PHF20: variants seen among roughly 807,000 people sequenced by gnomAD.
PHF20 encodes glioma-expressed antigen 2.
A neutral mutation model predicts 113.5 loss-of-function variants in PHF20; 23 were observed. The ratio of observed to expected loss-of-function variants is 0.20; its 90% CI spans 0.15 to 0.29. The LOEUF is 0.29. Ranked by LOEUF, PHF20 falls within the 10% of genes least tolerant of loss-of-function variation. The pLI, the probability that PHF20 is intolerant of heterozygous loss-of-function variation, is 1.00. For synonymous variants in PHF20, 434 were observed against 457.3 expected (o/e 0.95, Z 0.65); for missense variants, 943 against 1,219.6 (o/e 0.77, Z 3.38).
Position 35,855,339 on chromosome 20 carries a change from T to G in PHF20, c.341-2963T>G, listed in dbSNP as rs767919654. On this transcript the variant is annotated intron_variant, in intron 4 of 17. Transcript: ENST00000374012. Reference sequence around the variant, plus strand: ...TGAGCTGCCTGTGTAGATAATTGTTTATGCTCTTATCCTTTTATGTTCTTA... The same window carrying G: ...TGAGCTGCCTGTGTAGATAATTGTTGATGCTCTTATCCTTTTATGTTCTTA... The G allele has an allele frequency of 6.8e-6, 6 of 880,326 alleles. No homozygotes were observed. In the East Asian group the frequency reaches 3.3e-4, roughly 49 times the overall value. The allele number at this position is 880,326 out of a possible 1,614,324, so 54.5% of individuals were successfully genotyped here. A position where few individuals can be genotyped will look rare whatever the true frequency, so the allele number is the denominator to read the frequency against.
chr20:35,838,167 C>T (rs1259755131), intron 2 of PHF20, among the ~76,000 whole-genome samples: 1 of 152,128 alleles, frequency 6.6e-6, no homozygotes, highest in Non-Finnish European at 1.5e-5. Flanking sequence ...TGACTTCCGA[C>T]CAGTGCATAT....
At chr20:35,873,469 T>G (rs1312382085) in intron 9 of PHF20, among the ~76,000 whole-genome samples, 3 of 142,240 alleles carry the variant, frequency 2.1e-5, no homozygotes, top group East Asian at 4.2e-4. Flanking sequence ...TTTTTTTGTT[T>G]TTTTTTTTTT....
chr20:35,776,181 T>G (rs1283034841), intron 1 of PHF20, among the ~76,000 whole-genome samples: 1 of 152,238 alleles, frequency 6.6e-6, no homozygotes, highest in Non-Finnish European at 1.5e-5. Flanking sequence ...ATCATTCTAA[T>G]AAATACTGCA....
At chr20:35,890,746 G>A (rs950618463) in intron 9 of PHF20, among the ~76,000 whole-genome samples, 29 of 152,088 alleles carry the variant, frequency 1.9e-4, no homozygotes, top group African/African-American at 7.0e-4. Context: ...AGCCAGGCAT[G>A]GTGGCACACA....
At chr20:35,803,916 A>C (rs866141636) in intron 2 of PHF20, among the ~76,000 whole-genome samples, 7 of 151,652 alleles carry the variant, frequency 4.6e-5, no homozygotes, top group Non-Finnish European at 2.9e-5. Flanking sequence ...GTGTAATGGC[A>C]CAATCATAGT....
At chr20:35,803,786 G>T (rs2041830139) in intron 2 of PHF20, among the ~76,000 whole-genome samples, 1 of 149,386 alleles carries the variant, frequency 6.7e-6, no homozygotes, top group Non-Finnish European at 1.5e-5. Flanking sequence ...CATACAACTT[G>T]TTTTTTTTCT....
At chr20:35,944,513 T>C (rs535603090) in intron 17 of PHF20, among the ~76,000 whole-genome samples, 47 of 152,330 alleles carry the variant, frequency 3.1e-4, no homozygotes, top group African/African-American at 1.1e-3. Context: ...CTGACTCTCT[T>C]TGCTGTTGGA....
rs556033962 is a variant in PHF20, at chr20:35,890,059, T to C, written c.1283-9311T>C. Among the ~76,000 whole-genome samples, 11 of 151,478 alleles carry C rather than the reference T, an allele frequency of 7.3e-5. No individual in the cohort carries two copies. In the East Asian group the frequency reaches 2.1e-3, roughly 29 times the overall value. On this transcript the variant is annotated intron_variant, in intron 9 of 17. Transcript: ENST00000374012. ...TATTTATTTTTGAGACAGTTCTGTC[T>C]CACTGTTGCCCAAGCTGGAGTGCAG...
At chr20:35,849,367 C>A in intron 4 of PHF20, 1 of 464,120 alleles carries the variant, frequency 2.2e-6, no homozygotes. Context: ...CCTGCAGAGC[C>A]CAGAGCTTGG....
intron 10 of PHF20, among the ~76,000 whole-genome samples, chr20:35,907,950 T>G (rs1443685259): frequency 6.6e-5 from 10 of 152,352 alleles, no homozygotes; most frequent in Middle Eastern, 3.4e-3. Context: ...GTACTTGTTT[T>G]AAGAATTTGG....
intron 13 of PHF20, among the ~76,000 whole-genome samples, chr20:35,925,087 T>C (rs2055600305): frequency 1.3e-5 from 2 of 152,112 alleles, no homozygotes; most frequent in African/African-American, 4.8e-5. Context: ...GATTCATCTG[T>C]CTGTATATTT....
At chr20:35,930,767 C>T (rs748659532) in intron 14 of PHF20, among the ~76,000 whole-genome samples, 9 of 152,104 alleles carry the variant, frequency 5.9e-5, no homozygotes, top group Non-Finnish European at 1.3e-4. Context: ...AGAAGGGATG[C>T]GCAAGTGAAG....
intron 6 of PHF20, among the ~76,000 whole-genome samples, chr20:35,867,495 A>G (rs1029693955): frequency 6.6e-6 from 1 of 152,142 alleles, no homozygotes; most frequent in Non-Finnish European, 1.5e-5. Context: ...TCCTGAGCTC[A>G]AGTGATCTGC....
chr20:35,892,835 G>T (rs559593030), intron 9 of PHF20, among the ~76,000 whole-genome samples: 2 of 152,312 alleles, frequency 1.3e-5, no homozygotes, highest in Admixed American at 6.5e-5. Context: ...TTGTATCACA[G>T]TGAGTTATAC....
At chr20:35,945,676 G>T (rs1296224530) in intron 17 of PHF20, among the ~76,000 whole-genome samples, 2 of 152,080 alleles carry the variant, frequency 1.3e-5, no homozygotes, top group Non-Finnish European at 2.9e-5. Flanking sequence ...TAGCACAGGG[G>T]CTACCTGCAG....
intron 13 of PHF20, among the ~76,000 whole-genome samples, chr20:35,925,669 C>T (rs1415258767): frequency 6.6e-6 from 1 of 150,620 alleles, no homozygotes. Context: ...ACTTAAGTCT[C>T]TGTGTGTGTT....
In PHF20 at chr20:35,913,355, T is replaced by C. The variant is rs777351948; in HGVS notation, c.1660+8T>C. On this transcript the variant is annotated splice_region_variant and intron_variant, in intron 11 of 17. Transcript: ENST00000374012. Reference sequence around the variant, plus strand: ...AAAAGAAAACCAAACCTGGTAATTTTTTTTCCTGAGGGTTTCACTTAGGTT... The same window carrying C: ...AAAAGAAAACCAAACCTGGTAATTTCTTTTCCTGAGGGTTTCACTTAGGTT... 5.7e-6 allele frequency: 9 copies of C among 1,580,336 alleles called. No individual in the cohort carries two copies. In the South Asian group the frequency reaches 1.0e-4, roughly 18 times the overall value.
intron 9 of PHF20, among the ~76,000 whole-genome samples, chr20:35,884,528 A>G (rs17093212): frequency 0.049 from 7,390 of 152,242 alleles, 227 homozygotes; most frequent in African/African-American, 0.099. Context: ...CACCAGGACT[A>G]TATGTCGGTG....
chr20:35,907,145 A>G (rs1023948677), intron 10 of PHF20, among the ~76,000 whole-genome samples: 1 of 152,142 alleles, frequency 6.6e-6, no homozygotes, highest in Non-Finnish European at 1.5e-5. Flanking sequence ...CAGTTACCCC[A>G]TAGGTGGTGG....
Sources: allele counts gnomAD v4.1 joint callset (sites outside exome capture counted in the v4.1 genomes callset), GRCh38; gene constraint gnomAD v4.1.1; transcripts MANE v1.5; gene names NCBI Gene and HGNC (gene_info 2026-07-23, HGNC 2026-07-21).